FANCL: variants seen among roughly 807,000 people sequenced by gnomAD.
FANCL encodes the protein E3 ubiquitin-protein ligase FANCL.
In FANCL, 69 loss-of-function variants were observed where a neutral mutation model predicts 59.4. The observed-to-expected ratio is 1.16, with a 90% CI of 0.96 to 1.42. FANCL has a LOEUF of 1.42. FANCL is among the 40% of genes most tolerant of loss of function. The pLI is 0.00. For synonymous variants in FANCL, 180 were observed against 147.1 expected (o/e 1.22, Z -1.62); for missense variants, 519 against 447.2 (o/e 1.16, Z -1.45).
At chr2:58,165,034 G>A (rs1226738608) in intron 8 of FANCL, among the ~76,000 whole-genome samples, 1 of 151,948 alleles carries the variant, frequency 6.6e-6, no homozygotes, top group Non-Finnish European at 1.5e-5. Context: ...AAAGAAATGG[G>A]TATCTTAAAA....
At chr2:58,177,757 T>C (rs182731100) in intron 7 of FANCL, among the ~76,000 whole-genome samples, 30 of 147,476 alleles carry the variant, frequency 2.0e-4, no homozygotes, top group Non-Finnish European at 3.4e-4. Context: ...ATTGTGCACA[T>C]GTACACTAAA....
intron 5 of FANCL, among the ~76,000 whole-genome samples, chr2:58,219,171 A>AATATATACATATAT (rs1692201747): frequency 1.0e-4 from 2 of 19,262 alleles, no homozygotes; most frequent in Non-Finnish European, 1.8e-4. Context: ...AAAAAAAAAA[A>AATATATACATATAT]ATATATATAT....
chr2:58,191,312 A>C (rs906691954), intron 7 of FANCL, among the ~76,000 whole-genome samples: 4 of 151,856 alleles, frequency 2.6e-5, no homozygotes, highest in African/African-American at 9.7e-5. Context: ...ACATTAAAGG[A>C]GTCATTTGGA....
At chr2:58,184,652 C>A (rs1414458799) in intron 7 of FANCL, among the ~76,000 whole-genome samples, 1 of 151,818 alleles carries the variant, frequency 6.6e-6, no homozygotes, top group African/African-American at 2.4e-5. Flanking sequence ...AGAAAACAAC[C>A]CTTAAACATA....
At chr2:58,220,988 G>A (rs1050652683) in intron 5 of FANCL, among the ~76,000 whole-genome samples, 5 of 152,224 alleles carry the variant, frequency 3.3e-5, no homozygotes, top group Admixed American at 2.0e-4. Flanking sequence ...TGAGGCGGGC[G>A]GATCACGAGG....
In FANCL at chr2:58,163,634, A is replaced by C. The variant is rs558992194; in HGVS notation, c.692-117T>G. Reference sequence around the variant, plus strand: ...TTCACTGTATACCCACGGAAAGATTAACCAAATGTTTTGTAGTTTTATGTA... The same window carrying C: ...TTCACTGTATACCCACGGAAAGATTCACCAAATGTTTTGTAGTTTTATGTA... On this transcript the variant is annotated intron_variant, in intron 8 of 13. Coordinates refer to ENST00000233741, the MANE Select transcript of FANCL (RefSeq NM_018062.4). 5 of 679,434 alleles carry C rather than the reference A, an allele frequency of 7.4e-6. No homozygotes were observed. The East Asian group carries it at 1.4e-4, about 19-fold the overall frequency. The allele number at this position is 679,434 out of a possible 1,614,324, so 42.1% of individuals were successfully genotyped here. A position where few individuals can be genotyped will look rare whatever the true frequency, so the allele number is the denominator to read the frequency against.
chr2:58,160,592 C>G (rs1222964715), intron 12 of FANCL, among the ~76,000 whole-genome samples: 2 of 151,960 alleles, frequency 1.3e-5, no homozygotes, highest in Non-Finnish European at 2.9e-5. Flanking sequence ...GAAAATTTCC[C>G]TCTTAGTTCT....
intron 5 of FANCL, among the ~76,000 whole-genome samples, chr2:58,206,705 C>T (rs1045851634): frequency 2.6e-5 from 4 of 152,120 alleles, no homozygotes; most frequent in South Asian, 2.1e-4. Context: ...AAAAGTGCCA[C>T]GCTCAAAAAT....
At chr2:58,219,010 G>C (rs1043354413) in intron 5 of FANCL, among the ~76,000 whole-genome samples, 4 of 150,732 alleles carry the variant, frequency 2.7e-5, no homozygotes, top group Non-Finnish European at 5.9e-5. Context: ...AGCACCCATA[G>C]TGCCCACATC....
intron 7 of FANCL, among the ~76,000 whole-genome samples, chr2:58,195,443 T>C (rs1359397337): frequency 1.3e-5 from 2 of 152,128 alleles, no homozygotes; most frequent in Non-Finnish European, 2.9e-5. Flanking sequence ...ATATAGAATA[T>C]AGGGGCTATC....
At chr2:58,177,057 A>G (rs1687401754) in intron 7 of FANCL, among the ~76,000 whole-genome samples, 1 of 152,254 alleles carries the variant, frequency 6.6e-6, no homozygotes, top group African/African-American at 2.4e-5. Flanking sequence ...CCATCAGAGA[A>G]ATGCAAATCA....
intron 9 of FANCL, 81 bp downstream of exon 9, chr2:58,163,353 T>C: frequency 1.0e-6 from 1 of 954,918 alleles, no homozygotes; most frequent in Non-Finnish European, 1.7e-6. Flanking sequence ...ATTAATATAC[T>C]AATATTGTCT....
intron 7 of FANCL, among the ~76,000 whole-genome samples, chr2:58,178,036 T>C (rs1279906611): frequency 6.6e-6 from 1 of 151,698 alleles, no homozygotes; most frequent in African/African-American, 2.4e-5. Flanking sequence ...CAAGACTAAA[T>C]CAGGAAGAAG....
At chr2:58,226,822 A>G in intron 3 of FANCL, 38 bp from the exon 4 acceptor site, 4 of 1,549,880 alleles carry the variant, frequency 2.6e-6, no homozygotes, top group Non-Finnish European at 3.6e-6. Context: ...CATTTGCACA[A>G]TAAATATTCT....
chr2:58,174,124 C>T (rs1265668572), intron 7 of FANCL, among the ~76,000 whole-genome samples: 1 of 152,146 alleles, frequency 6.6e-6, no homozygotes, highest in Non-Finnish European at 1.5e-5. Flanking sequence ...CAGGAGCACC[C>T]AGATTCATAA....
At chr2:58,201,780 C>CA (rs1226025283) in intron 6 of FANCL, among the ~76,000 whole-genome samples, 2 of 151,862 alleles carry the variant, frequency 1.3e-5, no homozygotes, top group Non-Finnish European at 2.9e-5. Flanking sequence ...GACATCTAGT[C>CA]AAAATAGGTA....
chr2:58,159,805 A>T lies in FANCL; in HGVS notation c.1093-5T>A. 1 of 1,612,424 alleles carries T rather than the reference A, an allele frequency of 6.2e-7. No individual in the cohort carries two copies. The highest frequency in any genetic ancestry group is 1.3e-5 in the African/African-American group (1 of 75,010). ...AGACATTTTTAAGGTAATTGGCTTT[A>T]AAAAGAGAACATATTTTAACAAAGT... On this transcript the variant is annotated splice_polypyrimidine_tract_variant and splice_region_variant and intron_variant, in intron 13 of 13. Transcript: ENST00000233741.
chr2:58,186,220 T>C (rs2105001761), intron 7 of FANCL, among the ~76,000 whole-genome samples: 1 of 152,310 alleles, frequency 6.6e-6, no homozygotes, highest in African/African-American at 2.4e-5. Flanking sequence ...TTGCATAGGT[T>C]TTGTTCAATC....
In FANCL at chr2:58,159,550, A is replaced by G; in HGVS notation, c.*215T>C. The G allele has an allele frequency of 6.2e-7, 1 of 1,613,844 alleles. No individual in the cohort carries two copies. The highest frequency in any genetic ancestry group is 8.5e-7 in the Non-Finnish European group (1 of 1,179,816). On this transcript the variant is annotated 3_prime_UTR_variant, in exon 14 of 14. Coordinates refer to ENST00000233741, the MANE Select transcript of FANCL (RefSeq NM_018062.4). ...CACTTCCACAGTCAGCACGGGGATCACAGACTTAGAAAGTTCAACTGGACT... is the reference window on the plus strand; with the variant it reads ...CACTTCCACAGTCAGCACGGGGATCGCAGACTTAGAAAGTTCAACTGGACT...
Sources: gnomAD v4.1 joint callset for allele counts (sites outside exome capture counted in the v4.1 genomes callset) on GRCh38, gnomAD v4.1.1 for gene constraint, MANE v1.5 for transcripts, NCBI Gene and HGNC (gene_info 2026-07-23, HGNC 2026-07-21) for gene names.